Variants in STX8 observed in about 807,000 individuals in gnomAD.
STX8 encodes the protein syntaxin 8.
STX8 carries 23 observed loss-of-function variants against 37.5 expected under a neutral mutation model. The observed-to-expected ratio is 0.61, with a 90% confidence interval of 0.44 to 0.87. STX8 has a LOEUF of 0.87. Among genes scored for constraint, STX8 ranks in the 40% least tolerant of loss-of-function variants. The pLI, the probability that STX8 is intolerant of heterozygous loss-of-function variation, is 0.00. For missense variants in STX8, 313 were observed against 284.7 expected (o/e 1.10, Z -0.71); for synonymous variants, 115 against 99.1 (o/e 1.16, Z -0.95).
intron 6 of STX8, among the ~76,000 whole-genome samples, chr17:9,447,130 A>G (rs1904878373): frequency 6.6e-6 from 1 of 152,174 alleles, no homozygotes; most frequent in Admixed American, 6.5e-5. Context: ...TGTCTCAGTA[A>G]AGAGGGGTGA....
At chr17:9,281,840 A>G (rs1168733221) in intron 7 of STX8, among the ~76,000 whole-genome samples, 1 of 152,186 alleles carries the variant, frequency 6.6e-6, no homozygotes, top group East Asian at 1.9e-4. Flanking sequence ...AGGCTGAGGC[A>G]GGAGAATCGC....
At chr17:9,563,736 T>A (rs1388089850) in intron 2 of STX8, among the ~76,000 whole-genome samples, 1 of 151,846 alleles carries the variant, frequency 6.6e-6, no homozygotes, top group Admixed American at 6.6e-5. Flanking sequence ...TTATTTAAAA[T>A]TAAATTAAAA....
chr17:9,530,892 C>A (rs992385205), intron 4 of STX8, among the ~76,000 whole-genome samples: 2 of 152,154 alleles, frequency 1.3e-5, no homozygotes, highest in Admixed American at 6.5e-5. Context: ...CTTTGGCTAT[C>A]CCAAGATCAT....
chr17:9,356,350 C>T (rs983326150), intron 7 of STX8, among the ~76,000 whole-genome samples: 14 of 152,124 alleles, frequency 9.2e-5, no homozygotes, highest in African/African-American at 2.2e-4. Context: ...AACAGGTCCA[C>T]GAAGAACCCA....
rs1906451463 is a variant in STX8, at chr17:9,545,171, CCTGATTAGAT to C, written c.314_323del (p.Asp105GlyfsTer4). Reference sequence around the variant, plus strand: ...AATCCCTGTAAATAAAAACATCCTACCTGATTAGATCTGGTTCGGCACCCTCATTCTTAAA... The same window carrying C: ...AATCCCTGTAAATAAAAACATCCTACCTGGTTCGGCACCCTCATTCTTAAA... On this transcript the variant is annotated frameshift_variant and splice_region_variant, in exon 4 of 8. Coordinates refer to ENST00000306357, the MANE Select transcript of STX8 (RefSeq NM_004853.3). LOFTEE classifies it high-confidence loss of function. 6.2e-7 allele frequency: 1 copy of C among 1,609,244 alleles called. No individual in the cohort carries two copies. Among genetic ancestry groups the C allele is most frequent in the Non-Finnish European group, 8.5e-7 (1 of 1,175,898 alleles).
At position 9,256,933 on chromosome 17, in the gene STX8, T is replaced by C. The variant is rs146582177; in HGVS notation, c.644-6288A>G. Among the ~76,000 whole-genome samples, 491 of 152,324 alleles carry C rather than the reference T, an allele frequency of 3.2e-3. 2 individuals are homozygous for C. Among genetic ancestry groups the C allele is most frequent in the African/African-American group, 0.011 (462 of 41,568 alleles). ...GACATTTCAGAACAAGGAAAGACAG[T>C]TGAACTTCTGGGAGGCTGCCAACTT... On this transcript the variant is annotated intron_variant, in intron 7 of 7. Transcript: ENST00000306357.
chr17:9,349,871 T>G (rs1355577957), intron 7 of STX8, among the ~76,000 whole-genome samples: 2 of 152,250 alleles, frequency 1.3e-5, no homozygotes, highest in Middle Eastern at 3.4e-3. Flanking sequence ...TAGCTGGAAC[T>G]ACTGGCATGC....
chr17:9,337,576 A>G (rs12943537), intron 7 of STX8, among the ~76,000 whole-genome samples: 149,050 of 152,280 alleles, frequency 0.98, 73,023 homozygotes, highest in East Asian at 1. Context: ...CATGTTGGGC[A>G]GGCTGATCTC....
intron 3 of STX8, chr17:9,556,778 T>TACAC (rs1174076066): frequency 1.5e-4 from 15 of 97,564 alleles, no homozygotes; most frequent in Non-Finnish European, 3.0e-4. Context: ...TATATATATA[T>TACAC]ATATATATAT....
intron 7 of STX8, among the ~76,000 whole-genome samples, chr17:9,300,368 A>G (rs1027653347): frequency 6.6e-6 from 1 of 151,502 alleles, no homozygotes; most frequent in Non-Finnish European, 1.5e-5. Flanking sequence ...AAAGAAAAAG[A>G]AAAAGAAAAT....
intron 4 of STX8, among the ~76,000 whole-genome samples, chr17:9,536,357 T>G (rs553369670): frequency 6.6e-6 from 1 of 152,278 alleles, no homozygotes; most frequent in South Asian, 2.1e-4. Context: ...CCCGAAGCCC[T>G]GACGGCATCA....
intron 7 of STX8, among the ~76,000 whole-genome samples, chr17:9,370,567 A>G (rs1911372167): frequency 1.3e-5 from 2 of 152,208 alleles, no homozygotes; most frequent in Non-Finnish European, 2.9e-5. Flanking sequence ...CGATTGAGAC[A>G]GCATTAATGC....
At chr17:9,271,204 A>G (rs1256065558) in intron 7 of STX8, among the ~76,000 whole-genome samples, 1 of 152,242 alleles carries the variant, frequency 6.6e-6, no homozygotes, top group Non-Finnish European at 1.5e-5. Flanking sequence ...CTGTAATCCC[A>G]AAACTTTGGG....
intron 6 of STX8, among the ~76,000 whole-genome samples, chr17:9,432,041 C>G (rs895475877): frequency 2.0e-5 from 3 of 152,164 alleles, no homozygotes; most frequent in African/African-American, 7.2e-5. Context: ...ACTTCACCAT[C>G]ATTTTAAGTT....
intron 3 of STX8, among the ~76,000 whole-genome samples, chr17:9,548,186 C>T (rs1436749214): frequency 1.3e-5 from 2 of 152,136 alleles, no homozygotes; most frequent in Non-Finnish European, 2.9e-5. Context: ...CTCACTGCAA[C>T]CTCCAGCTCC....
intron 6 of STX8, among the ~76,000 whole-genome samples, chr17:9,411,128 T>C (rs1382960299): frequency 6.6e-6 from 1 of 152,214 alleles, no homozygotes; most frequent in Non-Finnish European, 1.5e-5. Context: ...CCAATAAATC[T>C]ACCCTAGAGG....
chr17:9,306,595 CA>C (rs71135963), intron 7 of STX8, among the ~76,000 whole-genome samples: 12,859 of 69,968 alleles, frequency 0.18, 653 homozygotes, highest in Non-Finnish European at 0.25. Context: ...ACTAAAAATA[CA>C]AAAAAAAAAA....
At chr17:9,280,058 A>G (rs1244426453) in intron 7 of STX8, among the ~76,000 whole-genome samples, 2 of 152,034 alleles carry the variant, frequency 1.3e-5, no homozygotes, top group Non-Finnish European at 2.9e-5. Context: ...TCATTTCTAT[A>G]AAAAATACAA....
chr17:9,494,154 T>C (rs1040293644), intron 5 of STX8, among the ~76,000 whole-genome samples: 1 of 151,870 alleles, frequency 6.6e-6, no homozygotes, highest in Non-Finnish European at 1.5e-5. Flanking sequence ...TAGCTGGGAC[T>C]ACAGGCGCCC....
Sources: gnomAD v4.1 joint callset for allele counts (sites outside exome capture counted in the v4.1 genomes callset) on GRCh38, gnomAD v4.1.1 for gene constraint, MANE v1.5 for transcripts, NCBI Gene and HGNC (gene_info 2026-07-23, HGNC 2026-07-21) for gene names.